Variants in IFNAR2 observed in about 807,000 individuals in gnomAD.
IFNAR2 encodes interferon alpha and beta receptor subunit 2, also known as interferon alpha/beta receptor 2.
A neutral mutation model predicts 49.4 loss-of-function variants in IFNAR2; 30 were observed. That is an observed-to-expected ratio of 0.61 (90% CI 0.45 to 0.82). The LOEUF (loss-of-function observed/expected upper bound fraction) is 0.82. IFNAR2 is among the 40% of genes least tolerant of loss of function. The probability of loss-of-function intolerance (pLI) is 0.00; values close to 1 mark genes in which losing one functional copy is unlikely to be tolerated. For missense variants in IFNAR2, 600 were observed against 622.7 expected, an observed-to-expected ratio of 0.96 and a Z score of 0.39; for synonymous variants, 224 against 234.5, an observed-to-expected ratio of 0.96 and a Z score of 0.41.
chr21:33,262,364 C>CAAAAAA (rs58341848), intron 8 of IFNAR2, among the ~76,000 whole-genome samples: 2 of 96,362 alleles, frequency 2.1e-5, no homozygotes, highest in African/African-American at 4.1e-5. Context: ...ACTCCCGTCT[C>CAAAAAA]AAAAAAAAAA....
Position 33,263,325 on chromosome 21 carries a change from A to G in IFNAR2, c.1373A>G (p.Asp458Gly). The G allele has an allele frequency of 1.9e-6, 3 of 1,614,112 alleles. No homozygotes were observed. Among genetic ancestry groups the G allele is most frequent in the Non-Finnish European group, 2.5e-6 (3 of 1,180,016 alleles). ...MLSSHLEEMV[D>G]PEDPDNVQSN... ...TCGTCTCATCTGGAAGAGATGGTTGACCCAGAGGATCCTGATAATGTGCAA... is the reference window on the plus strand; with the variant it reads ...TCGTCTCATCTGGAAGAGATGGTTGGCCCAGAGGATCCTGATAATGTGCAA... Residue 458 changes from aspartate to glycine, a missense_variant, in exon 9 of 9, where the codon GAC becomes GGC. Asp to Gly is a moderately conservative substitution (Grantham distance 94). Coordinates refer to ENST00000342136, the MANE Select transcript of IFNAR2 (RefSeq NM_001289125.3).
At chr21:33,252,893 AT>A in intron 7 of IFNAR2, 63 bp downstream of exon 7, 1 of 1,282,444 alleles carries the variant, frequency 7.8e-7, no homozygotes, top group Admixed American at 1.7e-5. Flanking sequence ...GGGCAAGCCT[AT>A]TTAAAGAAAA....
chr21:33,244,018 G>A (rs1485708315), intron 3 of IFNAR2, among the ~76,000 whole-genome samples: 1 of 152,074 alleles, frequency 6.6e-6, no homozygotes, highest in East Asian at 1.9e-4. Context: ...ATAAAAAATG[G>A]CCCAGAAATA....
chr21:33,252,372 A>G, intron 6 of IFNAR2: 1 of 995,458 alleles, frequency 1.0e-6, no homozygotes, highest in East Asian at 4.6e-5. Context: ...AAATGACGTC[A>G]CAGAGACTTT....
At chr21:33,261,434 T>A (rs1005559585) in intron 8 of IFNAR2, among the ~76,000 whole-genome samples, 22 of 152,232 alleles carry the variant, frequency 1.4e-4, no homozygotes, top group Non-Finnish European at 3.2e-4. Flanking sequence ...ATTTAACCAT[T>A]TCTCAGCTAA....
chr21:33,230,221 C>A lies in IFNAR2; in HGVS notation c.-84+5C>A. 1 of 1,093,706 alleles carries A rather than the reference C, an allele frequency of 9.1e-7. No individual in the cohort carries two copies. The highest frequency in any genetic ancestry group is 1.1e-6 in the Non-Finnish European group (1 of 891,470). 67.8% of individuals were successfully genotyped at this position (1,093,706 alleles called of 1,614,324 possible). A position where few individuals can be genotyped will look rare whatever the true frequency, so the allele number is the denominator to read the frequency against. On this transcript the variant is annotated splice_donor_5th_base_variant and intron_variant, in intron 1 of 8. Transcript: ENST00000342136. The surrounding 1 kb of genome is among the most constrained non-coding windows in gnomAD (Gnocchi z 5.5). The stretch of plus-strand genomic sequence containing the variant: ...CGCAAGGCGAGAGCTGCAAAGGTAA[C>A]GCAGCGTGGCGGGGTCGCGGGAGCG...
At chr21:33,238,774 TAAAAA>T (rs35083825) in intron 1 of IFNAR2, among the ~76,000 whole-genome samples, 3 of 141,724 alleles carry the variant, frequency 2.1e-5, no homozygotes, top group Non-Finnish European at 3.1e-5. Flanking sequence ...CCCTTCTACT[TAAAAA>T]AAAAAAAAAC....
intron 7 of IFNAR2, among the ~76,000 whole-genome samples, chr21:33,258,530 C>G (rs1988362523): frequency 6.6e-6 from 1 of 152,176 alleles, no homozygotes; most frequent in Non-Finnish European, 1.5e-5. Flanking sequence ...TTTTGGATTT[C>G]TGATCTCCAG....
In IFNAR2 at chr21:33,262,863, TCATTTA is replaced by T; in HGVS notation, c.915_920del (p.Tyr306_Ile307del). On this transcript the variant is annotated inframe_deletion, in exon 9 of 9. Transcript: ENST00000342136. ...TTGGAAGCCATGGATATGGTGGAGG[TCATTTA>T]CATCAACAGAAAGAAGAAAGTGTGG... 6.2e-7 allele frequency: 1 copy of T among 1,613,106 alleles called. No homozygotes were observed. The highest frequency in any genetic ancestry group is 1.7e-4 in the Middle Eastern group (1 of 6,060).
chr21:33,262,735 TA>T, intron 8 of IFNAR2, 57 bp from the exon 9 acceptor site: 1 of 1,591,524 alleles, frequency 6.3e-7, no homozygotes, highest in Non-Finnish European at 8.6e-7. Flanking sequence ...ATGTAGAAAA[TA>T]AAGAGCAAAC....
In IFNAR2 at chr21:33,252,711, T is replaced by C. The variant is rs1433955722; in HGVS notation, c.590T>C (p.Ile197Thr). ...GNMSGNFTYI[I>T]DKLIPNTNYC... ...ATGAGTGGAAATTTCACCTATATCA[T>C]TGACAAGTTAATTCCAAACACGAAC... Residue 197 changes from isoleucine to threonine, a missense_variant, in exon 7 of 9, where the codon ATT becomes ACT. Transcript: ENST00000342136. The C allele has an allele frequency of 6.2e-7, 1 of 1,613,866 alleles. No homozygotes were observed. The highest frequency in any genetic ancestry group is 8.5e-7 in the Non-Finnish European group (1 of 1,179,834).
intron 5 of IFNAR2, among the ~76,000 whole-genome samples, chr21:33,247,470 G>A (rs1471362655): frequency 6.6e-6 from 1 of 151,640 alleles, no homozygotes; most frequent in Non-Finnish European, 1.5e-5. Context: ...GGCTAGTCTC[G>A]AACTCCTGAC....
At chr21:33,231,923 G>A (rs1024856834) in intron 1 of IFNAR2, among the ~76,000 whole-genome samples, 1 of 152,148 alleles carries the variant, frequency 6.6e-6, no homozygotes, top group African/African-American at 2.4e-5. Flanking sequence ...ATTTTTAGTA[G>A]AGATGGGATT....
In IFNAR2 at chr21:33,248,876, G is replaced by A. The variant is rs561678008; in HGVS notation, c.540+22G>A. Reference sequence around the variant, plus strand: ...GAAGGTAAGTGGCTTCTCCTGTTAGGATCAAAACAGTTCTGAGTGGGCAAT... The same window carrying A: ...GAAGGTAAGTGGCTTCTCCTGTTAGAATCAAAACAGTTCTGAGTGGGCAAT... On this transcript the variant is annotated intron_variant, in intron 6 of 8. Coordinates refer to ENST00000342136, the MANE Select transcript of IFNAR2 (RefSeq NM_001289125.3). 3.9e-6 allele frequency: 6 copies of A among 1,550,950 alleles called. 1 individual carries two copies. The highest frequency in any genetic ancestry group is 3.6e-5 in the South Asian group (3 of 82,834).
intron 7 of IFNAR2, 84 bp from the exon 8 acceptor site, chr21:33,260,513 A>G (rs1394165373): frequency 7.8e-7 from 1 of 1,285,346 alleles, no homozygotes; most frequent in Non-Finnish European, 1.1e-6. Flanking sequence ...TCATCTTGTA[A>G]CACCAGGCCA....
chr21:33,231,187 G>C (rs1986036751), intron 1 of IFNAR2, among the ~76,000 whole-genome samples: 1 of 152,030 alleles, frequency 6.6e-6, no homozygotes, highest in African/African-American at 2.4e-5. Context: ...TCAGTATCCT[G>C]TCCACCCACC....
chr21:33,245,710 TCCAG>T (rs1330430343), intron 4 of IFNAR2, among the ~76,000 whole-genome samples: 1 of 152,226 alleles, frequency 6.6e-6, no homozygotes, highest in Non-Finnish European at 1.5e-5. Context: ...ATTGCTTTGA[TCCAG>T]CAGCCCCTTG....
intron 1 of IFNAR2, among the ~76,000 whole-genome samples, chr21:33,236,243 C>CTGTG (rs1415269773): frequency 3.3e-5 from 5 of 152,130 alleles, no homozygotes; most frequent in African/African-American, 1.2e-4. Context: ...ACACAGGTCC[C>CTGTG]TGGGGCCCCT....
chr21:33,259,655 G>A (rs1032305515), intron 7 of IFNAR2, among the ~76,000 whole-genome samples: 10 of 152,134 alleles, frequency 6.6e-5, no homozygotes, highest in African/African-American at 2.4e-4. Flanking sequence ...GAATGTAAAC[G>A]CTATACATGT....
Sources: allele counts gnomAD v4.1 joint callset (sites outside exome capture counted in the v4.1 genomes callset), GRCh38; gene constraint gnomAD v4.1.1; non-coding constraint Gnocchi (gnomAD v3.1); transcripts MANE v1.5; gene names NCBI Gene and HGNC (gene_info 2026-07-23, HGNC 2026-07-21).